Variants in ASB1 observed in about 807,000 individuals in gnomAD.
The protein encoded by ASB1 is ankyrin repeat and SOCS box containing 1.
A neutral mutation model predicts 27.7 loss-of-function variants in ASB1; 18 were observed. The ratio of observed to expected loss-of-function variants is 0.65; its 90% CI spans 0.45 to 0.96. The LOEUF is 0.96. Ranked by LOEUF, ASB1 falls within the 50% of genes least tolerant of loss-of-function variation. The pLI, the probability that ASB1 is intolerant of heterozygous loss-of-function variation, is 0.00. For missense variants in ASB1, 397 were observed against 451.7 expected (o/e 0.88, Z 1.10); for synonymous variants, 189 against 187.6 (o/e 1.01, Z -0.06).
intron 1 of ASB1, among the ~76,000 whole-genome samples, chr2:238,427,999 G>A (rs951318535): frequency 6.6e-6 from 1 of 152,184 alleles, no homozygotes; most frequent in African/African-American, 2.4e-5. Context: ...CCCTCCCTCT[G>A]CACCTCCTTC....
intron 3 of ASB1, among the ~76,000 whole-genome samples, chr2:238,443,222 TTAAG>T (rs1202590999): frequency 3.3e-5 from 5 of 152,238 alleles, no homozygotes; most frequent in Admixed American, 6.5e-5. Context: ...TTTGTTGACT[TTAAG>T]TAGTAGTTTA....
intron 1 of ASB1, among the ~76,000 whole-genome samples, chr2:238,431,192 T>C (rs1179258687): frequency 6.6e-6 from 1 of 152,266 alleles, no homozygotes; most frequent in African/African-American, 2.4e-5. Context: ...CTTAGCCGTG[T>C]CTTCTGGATA....
Position 238,427,091 on chromosome 2 carries a change from A to G in ASB1, c.21A>G (p.Pro7=). The G allele has an allele frequency of 1.6e-6, 2 of 1,262,790 alleles. No individual in the cohort carries two copies. Among genetic ancestry groups the G allele is most frequent in the Non-Finnish European group, 9.9e-7 (1 of 1,005,072 alleles). The allele number at this position is 1,262,790 out of a possible 1,614,324, so 78.2% of individuals were successfully genotyped here. MAEGGS[P]DGRAGPGSAG... is the part of the protein sequence containing the mutation. ...CATCCATGGCGGAGGGCGGCAGCCC[A>G]GACGGGCGGGCAGGGCCGGGCTCCG... is the stretch of plus-strand genomic sequence containing the variant. Residue 7 remains proline, a synonymous_variant, in exon 1 of 5, where the codon CCA becomes CCG. Transcript: ENST00000264607.
chr2:238,430,516 A>G (rs985631999), intron 1 of ASB1, among the ~76,000 whole-genome samples: 5 of 152,198 alleles, frequency 3.3e-5, no homozygotes, highest in Non-Finnish European at 5.9e-5. Flanking sequence ...AAAGTCATCC[A>G]TGTGGGTTGG....
intron 3 of ASB1, among the ~76,000 whole-genome samples, chr2:238,436,388 T>A (rs1287903975): frequency 2.6e-5 from 4 of 152,146 alleles, no homozygotes; most frequent in Non-Finnish European, 5.9e-5. Context: ...TTCTTAGAGT[T>A]ATGGAAGATA....
chr2:238,431,840 C>T, intron 1 of ASB1, among the ~76,000 whole-genome samples: 1 of 152,084 alleles, frequency 6.6e-6, no homozygotes, highest in Non-Finnish European at 1.5e-5. Flanking sequence ...TTTGTGGCAC[C>T]CCAAAACAAT....
In ASB1 at chr2:238,446,609, G is replaced by C. The variant is rs976362917; in HGVS notation, c.*98G>C. On this transcript the variant is annotated 3_prime_UTR_variant, in exon 5 of 5. Transcript: ENST00000264607. ...GCTGTGCTGCTGCTGGTCTCCTGAT[G>C]GCTGTTGCTGCAGAAGATGTCCTCG... 6 of 1,481,490 alleles carry C rather than the reference G, an allele frequency of 4.0e-6. No homozygotes were observed. The African/African-American group carries it at 8.3e-5, about 20-fold the overall frequency. 91.8% of individuals were successfully genotyped at this position (1,481,490 alleles called of 1,614,324 possible).
intron 1 of ASB1, 121 bp downstream of exon 1, chr2:238,427,240 G>A (rs1311604230): frequency 2.8e-6 from 2 of 725,024 alleles, no homozygotes; most frequent in Non-Finnish European, 3.8e-6. Flanking sequence ...GGGCAGCCAG[G>A]GAGCCGCACC....
Position 238,446,730 on chromosome 2 carries a change from C to G in ASB1, c.*219C>G, listed in dbSNP as rs1296204427. On this transcript the variant is annotated 3_prime_UTR_variant, in exon 5 of 5. Coordinates refer to ENST00000264607, the MANE Select transcript of ASB1 (RefSeq NM_001040445.3). ...ATACTAAAGTTATTATTGTTTTTCC[C>G]AAGTTCTCTGTTCTGGATTTTCAGT... 4.0e-5 allele frequency: 22 copies of G among 548,432 alleles called. No individual in the cohort carries two copies. In the East Asian group the frequency reaches 7.2e-4, roughly 18 times the overall value. 34.0% of individuals were successfully genotyped at this position (548,432 alleles called of 1,614,324 possible). A position where few individuals can be genotyped will look rare whatever the true frequency, so the allele number is the denominator to read the frequency against.
At chr2:238,445,818 G>C (rs1702169094) in intron 4 of ASB1, among the ~76,000 whole-genome samples, 1 of 152,216 alleles carries the variant, frequency 6.6e-6, no homozygotes, top group Non-Finnish European at 1.5e-5. Context: ...GTTAATGAAT[G>C]GTCAGCTGGG....
chr2:238,446,588 T>C lies in ASB1; in HGVS notation c.*77T>C. 1 of 1,560,476 alleles carries C rather than the reference T, an allele frequency of 6.4e-7. No individual in the cohort carries two copies. The highest frequency in any genetic ancestry group is 8.7e-7 in the Non-Finnish European group (1 of 1,142,966). On this transcript the variant is annotated 3_prime_UTR_variant, in exon 5 of 5. Transcript: ENST00000264607. ...GGTGGACACCGAGCCCTGAGTGCTG[T>C]GCTGCTGCTGGTCTCCTGATGGCTG... is the stretch of plus-strand genomic sequence containing the variant.
rs1702258344 is a variant in ASB1 at position 238,450,290 on chromosome 2, A to G, written c.*3779A>G. ...GCGTATGAGAACAGCATGGTAAATA[A>G]TTGATGAAGTCACATTTGTTCAACT... On this transcript the variant is annotated 3_prime_UTR_variant, in exon 5 of 5. Coordinates refer to ENST00000264607, the MANE Select transcript of ASB1 (RefSeq NM_001040445.3). 6.6e-6 allele frequency: 1 copy of G among 152,234 alleles called. No individual in the cohort carries two copies. Among genetic ancestry groups the G allele is most frequent in the Admixed American group, 6.5e-5 (1 of 15,294 alleles). The allele number at this position is 152,234 out of a possible 1,614,324, so 9.4% of individuals were successfully genotyped here. A position where few individuals can be genotyped will look rare whatever the true frequency, so the allele number is the denominator to read the frequency against.
intron 4 of ASB1, among the ~76,000 whole-genome samples, chr2:238,444,970 T>C (rs1559416353): frequency 6.8e-6 from 1 of 146,156 alleles, no homozygotes; most frequent in Non-Finnish European, 1.5e-5. Flanking sequence ...AGAATTATGC[T>C]CGCGCTCTCT....
At position 238,427,098 on chromosome 2, in the gene ASB1, C is replaced by CGGGCA. The variant is rs1029945835; in HGVS notation, c.33_37dup (p.Pro13GlnfsTer10). ...GGCGGAGGGCGGCAGCCCAGACGGG[C>CGGGCA]GGGCAGGGCCGGGCTCCGCAGGTAA... is the stretch of plus-strand genomic sequence containing the variant. On this transcript the variant is annotated frameshift_variant, in exon 1 of 5. Coordinates refer to ENST00000264607, the MANE Select transcript of ASB1 (RefSeq NM_001040445.3). LOFTEE classifies it high-confidence loss of function. The CGGGCA allele has an allele frequency of 5.0e-5, 63 of 1,257,196 alleles. No individual in the cohort carries two copies. The highest frequency in any genetic ancestry group is 6.3e-5 in the Non-Finnish European group (63 of 1,002,000). The allele number at this position is 1,257,196 out of a possible 1,614,324, so 77.9% of individuals were successfully genotyped here. A position where few individuals can be genotyped will look rare whatever the true frequency, so the allele number is the denominator to read the frequency against.
intron 1 of ASB1, among the ~76,000 whole-genome samples, chr2:238,431,188 C>G (rs1429144783): frequency 6.6e-6 from 1 of 152,102 alleles, no homozygotes; most frequent in Non-Finnish European, 1.5e-5. Context: ...TTATCTTAGC[C>G]GTGTCTTCTG....
At chr2:238,442,766 G>A (rs1702103275) in intron 3 of ASB1, among the ~76,000 whole-genome samples, 1 of 152,080 alleles carries the variant, frequency 6.6e-6, no homozygotes, top group Non-Finnish European at 1.5e-5. Context: ...CCATATGGAT[G>A]TCCAGTTACC....
intron 3 of ASB1, among the ~76,000 whole-genome samples, chr2:238,439,401 A>G (rs1036469787): frequency 6.6e-6 from 1 of 152,014 alleles, no homozygotes; most frequent in African/African-American, 2.4e-5. Flanking sequence ...GTTCCAGGGG[A>G]GCGTTTCTCT....
In ASB1 at chr2:238,444,523, G is replaced by T; in HGVS notation, c.676G>T (p.Val226Phe). ...ANPDFNCNGP[V>F]NTQGFYRGSP... is the part of the protein sequence containing the mutation. ...CCCTGACTTCAACTGCAATGGTCCTGTCAACACACAGGGATTCTACAGGGG... is the reference window on the plus strand; with the variant it reads ...CCCTGACTTCAACTGCAATGGTCCTTTCAACACACAGGGATTCTACAGGGG... Residue 226 changes from valine to phenylalanine, a missense_variant, in exon 4 of 5, where the codon GTC becomes TTC. Physicochemically the swap from Val to Phe is conservative, Grantham distance 50. Coordinates refer to ENST00000264607, the MANE Select transcript of ASB1 (RefSeq NM_001040445.3). 6.2e-7 allele frequency: 1 copy of T among 1,614,210 alleles called. No individual in the cohort carries two copies. The highest frequency in any genetic ancestry group is 8.5e-7 in the Non-Finnish European group (1 of 1,180,030).
At chr2:238,429,887 G>A (rs1350093588) in intron 1 of ASB1, among the ~76,000 whole-genome samples, 2 of 148,962 alleles carry the variant, frequency 1.3e-5, no homozygotes, top group African/African-American at 5.0e-5. Context: ...GCAGTGAGCC[G>A]AGATCACGCC....
Sources: allele counts gnomAD v4.1 joint callset (sites outside exome capture counted in the v4.1 genomes callset), GRCh38; gene constraint gnomAD v4.1.1; transcripts MANE v1.5; gene names NCBI Gene and HGNC (gene_info 2026-07-23, HGNC 2026-07-21).